Variants in GET3 observed in about 807,000 individuals in gnomAD.
GET3 encodes the protein guided entry of tail-anchored proteins factor 3, ATPase, also known as ATPase GET3.
Under a neutral mutation model 32.4 loss-of-function variants are expected in GET3, and 15 were observed. That is an observed-to-expected ratio of 0.46 (90% CI 0.31 to 0.71). The LOEUF (loss-of-function observed/expected upper bound fraction) is 0.71, where lower values mean the gene tolerates loss of function less well. Among genes scored for constraint, GET3 ranks in the 30% least tolerant of loss-of-function variants. GET3 has a pLI of 0.05. For synonymous variants in GET3, 198 were observed against 185.6 expected (o/e 1.07, Z -0.54); for missense variants, 333 against 459.0 (o/e 0.73, Z 2.51).
chr19:12,743,572 C>T (rs1444941916), intron 2 of GET3, among the ~76,000 whole-genome samples: 3 of 150,940 alleles, frequency 2.0e-5, no homozygotes, highest in Non-Finnish European at 4.4e-5. Flanking sequence ...GGGTGGATCA[C>T]GAGGTCAGGA....
At chr19:12,738,757 A>G (rs1599446815) in intron 2 of GET3, 99 bp downstream of exon 2, 2 of 1,446,980 alleles carry the variant, frequency 1.4e-6, no homozygotes, top group East Asian at 2.3e-5. Context: ...TCCACTCTAT[A>G]TCCTGTGTCT....
At position 12,745,357 on chromosome 19, in the gene GET3, C is replaced by G. The variant is rs1351656624; in HGVS notation, c.310-20C>G. 4 of 1,605,340 alleles carry G rather than the reference C, an allele frequency of 2.5e-6. No individual in the cohort carries two copies. The African/African-American group carries it at 5.4e-5, about 22-fold the overall frequency. ...CCCCAGCAGTAGCAGCAACCTCAGT[C>G]TCATCCCTTTGGCCCCCAGGAGATT... On this transcript the variant is annotated intron_variant, in intron 2 of 6. Coordinates refer to ENST00000357332, the MANE Select transcript of GET3 (RefSeq NM_004317.4). The surrounding 1 kb of genome is among the most constrained non-coding windows in gnomAD (Gnocchi z 5.0).
At chr19:12,740,680 T>C (rs1347273902) in intron 2 of GET3, among the ~76,000 whole-genome samples, 2 of 151,854 alleles carry the variant, frequency 1.3e-5, no homozygotes, top group African/African-American at 4.8e-5. Flanking sequence ...CAACAAAAAA[T>C]AATAAATAAA....
rs750300546 is a variant in GET3, at chr19:12,745,373, C to T, written c.310-4C>T. On this transcript the variant is annotated splice_polypyrimidine_tract_variant and splice_region_variant and intron_variant, in intron 2 of 6. Transcript: ENST00000357332. The surrounding 1 kb of genome is among the most constrained non-coding windows in gnomAD (Gnocchi z 5.0). ...AACCTCAGTCTCATCCCTTTGGCCC[C>T]CAGGAGATTGACCCCAGCCTGGGCG... 6.2e-7 allele frequency: 1 copy of T among 1,608,666 alleles called. No homozygotes were observed. The highest frequency in any genetic ancestry group is 8.5e-7 in the Non-Finnish European group (1 of 1,179,896).
In GET3 at chr19:12,748,166, G is replaced by A. The variant is rs931989033; in HGVS notation, c.*62G>A. ...CACCCTCCACCCTCCCCACCCCCTC[G>A]GGGCAGAGTTTGCACAAAGTCCCCC... On this transcript the variant is annotated 3_prime_UTR_variant, in exon 7 of 7. Transcript: ENST00000357332. The A allele has an allele frequency of 6.7e-5, 99 of 1,478,870 alleles. No homozygotes were observed. The highest frequency in any genetic ancestry group is 8.1e-5 in the South Asian group (6 of 73,750). 91.6% of individuals were successfully genotyped at this position (1,478,870 alleles called of 1,614,324 possible). A position where few individuals can be genotyped will look rare whatever the true frequency, so the allele number is the denominator to read the frequency against.
Position 12,738,606 on chromosome 19 carries a change from A to G in GET3, c.257A>G (p.Lys86Arg), listed in dbSNP as rs1338226741. ...AACATCTCAGATGCTTTTGACCAGA[A>G]GTTCTCAAAGGTGCCTACCAAGGTC... The part of the protein sequence containing the change: ...AHNISDAFDQ[K>R]FSKVPTKVKG... Residue 86 changes from lysine to arginine, a missense_variant, in exon 2 of 7, where the codon AAG becomes AGG. Physicochemically the swap from Lys to Arg is conservative, Grantham distance 26 (BLOSUM62 2). Transcript: ENST00000357332. 6.2e-7 allele frequency: 1 copy of G among 1,614,070 alleles called. No individual in the cohort carries two copies. The highest frequency in any genetic ancestry group is 2.2e-5 in the East Asian group (1 of 44,894).
chr19:12,747,708 A>G lies in GET3; in HGVS notation c.915+116A>G. ...CTAGCCTCCTGCCCTTTGCCCCCAC[A>G]TTTCAGATCCTTCACCCTTATTCCG... is the stretch of plus-strand genomic sequence containing the variant. On this transcript the variant is annotated intron_variant, in intron 6 of 6. Coordinates refer to ENST00000357332, the MANE Select transcript of GET3 (RefSeq NM_004317.4). This position sits in a 1 kb window ranked among gnomAD's most constrained non-coding sequence, Gnocchi z 4.0. 1 of 1,320,086 alleles carries G rather than the reference A, an allele frequency of 7.6e-7. No homozygotes were observed. Among genetic ancestry groups the G allele is most frequent in the Non-Finnish European group, 1.0e-6 (1 of 967,798 alleles). 81.8% of individuals were successfully genotyped at this position (1,320,086 alleles called of 1,614,324 possible). A position where few individuals can be genotyped will look rare whatever the true frequency, so the allele number is the denominator to read the frequency against.
rs544094938 is a variant in GET3 at position 12,741,362 on chromosome 19, A to C, written c.309+2704A>C. Among the ~76,000 whole-genome samples, 4 of 152,252 alleles carry C rather than the reference A, an allele frequency of 2.6e-5. No individual in the cohort carries two copies. The East Asian group carries it at 7.7e-4, about 29-fold the overall frequency. On this transcript the variant is annotated intron_variant, in intron 2 of 6. Transcript: ENST00000357332. ...TCCCAGTTATTCGGGAGGCTGAGGC[A>C]GGAGAATGGCGTGAACGCGGGAGGT...
intron 2 of GET3, among the ~76,000 whole-genome samples, chr19:12,744,219 GAAAA>G (rs59206366): frequency 1.6e-5 from 2 of 126,700 alleles, no homozygotes; most frequent in South Asian, 2.6e-4. Context: ...TCCATCTCGG[GAAAA>G]AAAAAAAAAA....
intron 2 of GET3, among the ~76,000 whole-genome samples, chr19:12,742,869 GA>G (rs779850083): frequency 6.6e-6 from 1 of 150,858 alleles, no homozygotes; most frequent in African/African-American, 2.4e-5. Context: ...CTAAAAGAAA[GA>G]AAAAAAAAGC....
chr19:12,747,246 C>A lies in GET3; in HGVS notation c.659C>A (p.Ser220Tyr), dbSNP rs778277907. The change falls in exon 5 of 7, where the codon TCC (serine) becomes TAC (tyrosine). Residue 220 changes from serine (S) to tyrosine (Y), a missense_variant. Coordinates refer to ENST00000357332, the MANE Select transcript of GET3 (RefSeq NM_004317.4). This position sits in a 1 kb window ranked among gnomAD's most constrained non-coding sequence, Gnocchi z 4.0. ...GACATGAACGCAGACCAGCTGGCCT[C>A]CAAGCTGGAGGAGACGCTGCCCGTC... is the stretch of plus-strand genomic sequence containing the variant. Reference protein sequence around the residue: ...LGDMNADQLASKLEETLPVIR... With the variant: ...LGDMNADQLAYKLEETLPVIR... 42 of 1,612,064 alleles carry A rather than the reference C, an allele frequency of 2.6e-5. No individual in the cohort carries two copies. Among genetic ancestry groups the A allele is most frequent in the Non-Finnish European group, 3.6e-5 (42 of 1,178,954 alleles).
intron 4 of GET3, among the ~76,000 whole-genome samples, chr19:12,746,389 T>C (rs1967772316): frequency 6.6e-6 from 1 of 152,028 alleles, no homozygotes; most frequent in Admixed American, 6.6e-5. Flanking sequence ...CACTTCGACC[T>C]CCCAGAGTGC....
At position 12,748,102 on chromosome 19, in the gene GET3, T is replaced by C; in HGVS notation, c.1045T>C (p.Ter349GlnextTer31). Residue 349 changes from the stop codon to glutamine, a stop_lost, in exon 7 of 7, where the codon TAG (stop) becomes CAG (glutamine). Transcript: ENST00000357332. ...LEPYKPPSAQ[*>Q] Reference sequence around the variant, plus strand: ...GCCCTACAAGCCCCCCAGTGCCCAGTAGCACAGCTGCCAGCCCCAACCGCT... The same window carrying C: ...GCCCTACAAGCCCCCCAGTGCCCAGCAGCACAGCTGCCAGCCCCAACCGCT... 4 of 1,586,770 alleles carry C rather than the reference T, an allele frequency of 2.5e-6. No homozygotes were observed. The highest frequency in any genetic ancestry group is 2.6e-6 in the Non-Finnish European group (3 of 1,162,044).
intron 1 of GET3, among the ~76,000 whole-genome samples, chr19:12,738,169 G>GAGAC (rs1440304729): frequency 1.3e-5 from 2 of 152,118 alleles, no homozygotes; most frequent in African/African-American, 4.8e-5. Context: ...GGGAATGCAG[G>GAGAC]AGACCCCTTA....
intron 2 of GET3, among the ~76,000 whole-genome samples, chr19:12,744,043 C>CAAAA (rs753666928): frequency 2.1e-5 from 1 of 47,804 alleles, no homozygotes; most frequent in African/African-American, 7.2e-5. Context: ...GACTCCATCT[C>CAAAA]AAAAAAAAAA....
chr19:12,739,724 A>ACT (rs1967631075), intron 2 of GET3, among the ~76,000 whole-genome samples: 1 of 152,092 alleles, frequency 6.6e-6, no homozygotes. Flanking sequence ...TTGATTTGGA[A>ACT]GTCACTGTCT....
Position 12,745,675 on chromosome 19 carries a change from G to T in GET3, c.525G>T (p.Arg175Ser). The T allele has an allele frequency of 6.2e-7, 1 of 1,613,008 alleles. No individual in the cohort carries two copies. Residue 175 changes from arginine to serine, a missense_variant, in exon 4 of 7, where the codon AGG (arginine) becomes AGT (serine). Arg to Ser is a moderately radical substitution (Grantham distance 110). Around this residue, in one of 3 missense-constraint regions of GET3, gnomAD observed 230 missense variants for 389.2 expected, o/e 0.59. Transcript: ENST00000357332. The surrounding 1 kb of genome is among the most constrained non-coding windows in gnomAD (Gnocchi z 5.0). ...CGGCACCCACGGGCCACACCCTGAG[G>T]CTGCTCAACTTCCCCACCATCGTGG... ...FDTAPTGHTL[R>S]LLNFPTIVER...
rs1967759575 is a variant in GET3 at position 12,745,703 on chromosome 19, C to T, written c.553C>T (p.Arg185Trp). The change falls in exon 4 of 7, where the codon CGG (arginine) becomes TGG (tryptophan). Residue 185 changes from arginine (R) to tryptophan (W), a missense_variant. Physicochemically the swap from Arg to Trp is moderately radical, Grantham distance 101. This residue lies in a region of GET3 where 230 missense variants were observed against 389.2 expected (regional missense o/e 0.59). Coordinates refer to ENST00000357332, the MANE Select transcript of GET3 (RefSeq NM_004317.4). The surrounding 1 kb of genome is among the most constrained non-coding windows in gnomAD (Gnocchi z 5.0). ...RLLNFPTIVE[R>W]GLGRLMQIKN... ...GCTCAACTTCCCCACCATCGTGGAG[C>T]GGGGCCTGGGCCGGCTTATGCAGAT... is the stretch of plus-strand genomic sequence containing the variant. 1 of 1,612,850 alleles carries T rather than the reference C, an allele frequency of 6.2e-7. No individual in the cohort carries two copies. The highest frequency in any genetic ancestry group is 2.2e-5 in the East Asian group (1 of 44,852).
intron 2 of GET3, among the ~76,000 whole-genome samples, chr19:12,743,830 T>C (rs1332895806): frequency 4.5e-5 from 6 of 131,964 alleles, no homozygotes; most frequent in African/African-American, 1.1e-4. Context: ...CTGGGGTTCA[T>C]GCCATTCTCC....
Sources: gnomAD v4.1 joint callset for allele counts (sites outside exome capture counted in the v4.1 genomes callset) on GRCh38, gnomAD v4.1.1 for gene constraint, gnomAD v4.1.1 regional missense constraint, Gnocchi (gnomAD v3.1) non-coding constraint, MANE v1.5 for transcripts, NCBI Gene and HGNC (gene_info 2026-07-23, HGNC 2026-07-21) for gene names.